GTF3C1: variants seen among roughly 807,000 people sequenced by gnomAD.
GTF3C1 encodes the protein general transcription factor 3C polypeptide 1.
Under a neutral mutation model 226.7 loss-of-function variants are expected in GTF3C1, and 57 were observed. That is an observed-to-expected ratio of 0.25 (90% CI 0.20 to 0.31). The LOEUF is 0.31. Among genes scored for constraint, GTF3C1 ranks in the 10% least tolerant of loss-of-function variants. The pLI, the probability that GTF3C1 is intolerant of heterozygous loss-of-function variation, is 1.00. For missense variants in GTF3C1, 2,217 were observed against 2,776.1 expected (o/e 0.80, Z 4.53); for synonymous variants, 1,090 against 1,084.8 (o/e 1.00, Z -0.09).
At chr16:27,480,140 G>A (rs1201445366) in intron 27 of GTF3C1, among the ~76,000 whole-genome samples, 3 of 150,242 alleles carry the variant, frequency 2.0e-5, no homozygotes, top group African/African-American at 4.9e-5. Flanking sequence ...AGCGGAGCTT[G>A]CAGTGAGCCG....
Position 27,471,971 on chromosome 16 carries a change from G to C in GTF3C1, c.4354-51C>G. 2 of 1,541,454 alleles carry C rather than the reference G, an allele frequency of 1.3e-6. No individual in the cohort carries two copies. Among genetic ancestry groups the C allele is most frequent in the Non-Finnish European group, 1.8e-6 (2 of 1,116,310 alleles). Reference sequence around the variant, plus strand: ...GTAGGGTTCTCCAGCCGGCCACGGAGAGGGCTGGGGTATGTGGAGGCAGAG... The same window carrying C: ...GTAGGGTTCTCCAGCCGGCCACGGACAGGGCTGGGGTATGTGGAGGCAGAG... On this transcript the variant is annotated intron_variant, in intron 29 of 36. Coordinates refer to ENST00000356183, the MANE Select transcript of GTF3C1 (RefSeq NM_001520.4). This position sits in a 1 kb window ranked among gnomAD's most constrained non-coding sequence, Gnocchi z 5.0.
chr16:27,542,711 T>C (rs759707953), intron 2 of GTF3C1, among the ~76,000 whole-genome samples: 1 of 152,174 alleles, frequency 6.6e-6, no homozygotes, highest in Non-Finnish European at 1.5e-5. Flanking sequence ...CTCTTGGGAA[T>C]GGATTAGCTC....
intron 2 of GTF3C1, among the ~76,000 whole-genome samples, chr16:27,538,971 TAC>T (rs59679436): frequency 0.032 from 4,033 of 124,400 alleles, 203 homozygotes; most frequent in African/African-American, 0.1. Context: ...TACACACATA[TAC>T]ACACACACAC....
chr16:27,514,955 G>C (rs890102462), intron 6 of GTF3C1, among the ~76,000 whole-genome samples: 3 of 152,124 alleles, frequency 2.0e-5, no homozygotes, highest in Non-Finnish European at 4.4e-5. Flanking sequence ...GCACTTGGGG[G>C]AGTCAGACCT....
intron 5 of GTF3C1, among the ~76,000 whole-genome samples, chr16:27,531,811 G>A (rs1025387566): frequency 6.6e-6 from 1 of 152,102 alleles, no homozygotes; most frequent in African/African-American, 2.4e-5. Flanking sequence ...TAATCCACAC[G>A]GTGGCCAGGT....
At chr16:27,489,863 C>A in intron 19 of GTF3C1, 120 bp from the exon 20 acceptor site, 1 of 933,828 alleles carries the variant, frequency 1.1e-6, no homozygotes, top group Non-Finnish European at 1.6e-6. Context: ...GCTCCCCGGC[C>A]ACTGCGGGGG....
At chr16:27,483,011 G>A (rs778612859) in intron 26 of GTF3C1, 33 bp downstream of exon 26, 3 of 1,584,108 alleles carry the variant, frequency 1.9e-6, no homozygotes, top group Non-Finnish European at 2.6e-6. Context: ...AATCTCCCAA[G>A]CATACCAAGC....
chr16:27,524,540 C>T (rs1226932824), intron 6 of GTF3C1, among the ~76,000 whole-genome samples: 3 of 152,202 alleles, frequency 2.0e-5, no homozygotes, highest in Non-Finnish European at 4.4e-5. Context: ...CCTTACCAGA[C>T]AGTGATGGAA....
chr16:27,498,171 C>A (rs1025567906), intron 13 of GTF3C1, among the ~76,000 whole-genome samples: 2 of 152,230 alleles, frequency 1.3e-5, no homozygotes, highest in Non-Finnish European at 2.9e-5. Context: ...CAATACTTGG[C>A]AGATCCCACA....
At position 27,462,250 on chromosome 16, in the gene GTF3C1, C is replaced by T. The variant is rs186257647; in HGVS notation, c.6117+44G>A. 14 of 1,439,734 alleles carry T rather than the reference C, an allele frequency of 9.7e-6. No individual in the cohort carries two copies. In the Admixed American group the frequency reaches 1.2e-4, roughly 12 times the overall value. 89.2% of individuals were successfully genotyped at this position (1,439,734 alleles called of 1,614,324 possible). ...CATCACAGCCGGGCCACTGAGTGCACCCAGCCGCCTCCACACCCTGCTGAA... is the reference window on the plus strand; with the variant it reads ...CATCACAGCCGGGCCACTGAGTGCATCCAGCCGCCTCCACACCCTGCTGAA... On this transcript the variant is annotated intron_variant, in intron 36 of 36. Transcript: ENST00000356183. The surrounding 1 kb of genome is among the most constrained non-coding windows in gnomAD (Gnocchi z 4.5).
chr16:27,482,746 T>G (rs1286914502), intron 26 of GTF3C1, among the ~76,000 whole-genome samples: 1 of 152,222 alleles, frequency 6.6e-6, no homozygotes, highest in African/African-American at 2.4e-5. Context: ...CTGCGAGCTT[T>G]CTAGGAAGCC....
intron 15 of GTF3C1, 77 bp from the exon 16 acceptor site, chr16:27,494,985 C>T (rs1383533985): frequency 1.5e-6 from 2 of 1,320,324 alleles, no homozygotes; most frequent in Non-Finnish European, 2.1e-6. Flanking sequence ...CGTCATCTCC[C>T]AGGAGGTCTT....
chr16:27,482,424 G>A (rs2088066828), intron 26 of GTF3C1: 2 of 454,026 alleles, frequency 4.4e-6, no homozygotes, highest in Non-Finnish European at 4.4e-6. Context: ...CCTCCTCCCT[G>A]ACCTCTGTGG....
chr16:27,496,344 C>T (rs1021327679), intron 14 of GTF3C1, among the ~76,000 whole-genome samples: 6 of 152,190 alleles, frequency 3.9e-5, no homozygotes, highest in Non-Finnish European at 7.3e-5. Flanking sequence ...GCCTAAGAAG[C>T]TACTGGATAA....
intron 6 of GTF3C1, among the ~76,000 whole-genome samples, chr16:27,523,921 C>T (rs1399277925): frequency 2.0e-5 from 3 of 152,102 alleles, no homozygotes; most frequent in South Asian, 2.1e-4. Flanking sequence ...ACATCCTGAC[C>T]GTCATCATCT....
intron 2 of GTF3C1, among the ~76,000 whole-genome samples, chr16:27,543,206 T>G (rs994171223): frequency 2.0e-5 from 3 of 152,092 alleles, no homozygotes; most frequent in Non-Finnish European, 4.4e-5. Flanking sequence ...GCCAAGATGG[T>G]GAAACCGAGT....
chr16:27,519,372 T>C (rs1206399010), intron 6 of GTF3C1, among the ~76,000 whole-genome samples: 1 of 152,172 alleles, frequency 6.6e-6, no homozygotes, highest in Non-Finnish European at 1.5e-5. Context: ...GTGGAAGCTA[T>C]TTCTGCAGTG....
chr16:27,545,681 C>T (rs541660787), intron 1 of GTF3C1, among the ~76,000 whole-genome samples, 158 bp from the exon 2 acceptor site: 3 of 152,298 alleles, frequency 2.0e-5, no homozygotes, highest in African/African-American at 7.2e-5. Context: ...AAGCAGGTTC[C>T]TGCCTTTCTA....
At position 27,498,681 on chromosome 16, in the gene GTF3C1, C is replaced by T. The variant is rs1310181203; in HGVS notation, c.2114G>A (p.Ser705Asn). Reference protein sequence around the residue: ...SMDQNDPLVRSAIEQVRFRIS... With the variant: ...SMDQNDPLVRNAIEQVRFRIS... Reference sequence around the variant, plus strand: ...CCGGAAGCGGACCTGCTCGATGGCACTTCTCACTAGAGGGTCGTTCTGGTC... The same window carrying T: ...CCGGAAGCGGACCTGCTCGATGGCATTTCTCACTAGAGGGTCGTTCTGGTC... The change falls in exon 13 of 37, where the codon AGT becomes AAT. Residue 705 changes from serine (S) to asparagine (N), a missense_variant. This residue lies in a region of GTF3C1 where 100 missense variants were observed against 139.9 expected (regional missense o/e 0.71). Coordinates refer to ENST00000356183, the MANE Select transcript of GTF3C1 (RefSeq NM_001520.4). 2 of 1,609,198 alleles carry T rather than the reference C, an allele frequency of 1.2e-6. No individual in the cohort carries two copies. The highest frequency in any genetic ancestry group is 1.7e-6 in the Non-Finnish European group (2 of 1,175,514).
Sources: gnomAD v4.1 joint callset for allele counts (sites outside exome capture counted in the v4.1 genomes callset) on GRCh38, gnomAD v4.1.1 for gene constraint, gnomAD v4.1.1 regional missense constraint, Gnocchi (gnomAD v3.1) non-coding constraint, MANE v1.5 for transcripts, NCBI Gene and HGNC (gene_info 2026-07-23, HGNC 2026-07-21) for gene names.